The following CTNNA2 variants were observed in gnomAD, a reference collection of about 807,000 sequenced individuals.
CTNNA2 encodes catenin alpha 2, also known as catenin alpha-2.
A neutral mutation model predicts 101.0 loss-of-function variants in CTNNA2; 42 were observed. The ratio of observed to expected loss-of-function variants is 0.42; its 90% CI spans 0.32 to 0.54. CTNNA2 has a LOEUF of 0.54. Among genes scored for constraint, CTNNA2 ranks in the 20% least tolerant of loss-of-function variants. CTNNA2 has a pLI of 0.14. For synonymous variants in CTNNA2, 450 were observed against 456.4 expected (o/e 0.99, Z 0.18); for missense variants, 871 against 1,223.1 (o/e 0.71, Z 4.29).
At chr2:79,417,723 A>G (rs1001830031) in intron 4 of CTNNA2, among the ~76,000 whole-genome samples, 1 of 152,094 alleles carries the variant, frequency 6.6e-6, no homozygotes, top group Non-Finnish European at 1.5e-5. Context: ...AAATTATTTC[A>G]TAAGTGTGGA....
intron 7 of CTNNA2, among the ~76,000 whole-genome samples, chr2:80,345,040 G>A (rs1234703311): frequency 1.3e-5 from 2 of 151,970 alleles, no homozygotes; most frequent in Non-Finnish European, 2.9e-5. Context: ...CTTCCTAATG[G>A]CTCTCCCTAT....
At chr2:79,855,755 C>T (rs12478746) in intron 3 of CTNNA2, among the ~76,000 whole-genome samples, 39,406 of 152,058 alleles carry the variant, frequency 0.26, 5,428 homozygotes, top group Non-Finnish European at 0.31. Flanking sequence ...AGAATAAATC[C>T]CCCTTTCCCT....
At chr2:80,545,417 T>C (rs1691963759) in intron 10 of CTNNA2, among the ~76,000 whole-genome samples, 1 of 152,116 alleles carries the variant, frequency 6.6e-6, no homozygotes, top group Non-Finnish European at 1.5e-5. Context: ...GGTGGGGGCA[T>C]TCCTGTAGTC....
intron 3 of CTNNA2, among the ~76,000 whole-genome samples, chr2:79,854,054 T>C (rs1680940009): frequency 6.6e-6 from 1 of 152,242 alleles, no homozygotes; most frequent in Admixed American, 6.5e-5. Flanking sequence ...TGCACAATTA[T>C]GTATTCATCC....
chr2:79,420,089 C>T (rs975035903), intron 4 of CTNNA2, among the ~76,000 whole-genome samples: 6 of 152,172 alleles, frequency 3.9e-5, no homozygotes, highest in Non-Finnish European at 8.8e-5. Flanking sequence ...CCCTCCTCAG[C>T]TTCTGATTCC....
intron 9 of CTNNA2, among the ~76,000 whole-genome samples, chr2:80,478,281 A>G (rs910178908): frequency 5.9e-5 from 9 of 152,126 alleles, no homozygotes; most frequent in Non-Finnish European, 1.5e-5. Flanking sequence ...GTCCTTGTAG[A>G]TTCTGGATAC....
At chr2:80,183,753 G>T (rs1705939142) in intron 7 of CTNNA2, among the ~76,000 whole-genome samples, 1 of 152,122 alleles carries the variant, frequency 6.6e-6, no homozygotes, top group South Asian at 2.1e-4. Context: ...TAAATCACTT[G>T]ATATTTAGAA....
At chr2:79,751,693 G>T (rs1280076405) in intron 3 of CTNNA2, among the ~76,000 whole-genome samples, 1 of 151,442 alleles carries the variant, frequency 6.6e-6, no homozygotes, top group East Asian at 1.9e-4. Flanking sequence ...ATGAAAGGAA[G>T]GGAGAGAGGG....
Position 79,484,635 on chromosome 2 carries a change from A to G in CTNNA2, c.-134-20419A>G, listed in dbSNP as rs949758679. Among the ~76,000 whole-genome samples, 6 of 152,150 alleles carry G rather than the reference A, an allele frequency of 3.9e-5. No homozygotes were observed. In the South Asian group the frequency reaches 1.2e-3, roughly 32 times the overall value. The stretch of plus-strand genomic sequence containing the variant: ...GCGAGGTGCTTGAGATGAAAGATGG[A>G]CAGGCTTCTCCTCAGGCGTATTGCA... On this transcript the variant is annotated intron_variant, in intron 4 of 21. Coordinates refer to the CTNNA2 transcript ENST00000466387.
chr2:80,211,078 G>T (rs943209055), intron 7 of CTNNA2, among the ~76,000 whole-genome samples: 6 of 152,106 alleles, frequency 3.9e-5, no homozygotes, highest in Non-Finnish European at 5.9e-5. Context: ...ATTTTTTCTT[G>T]TAAATTTGTT....
chr2:80,252,913 A>T (rs907110979), intron 7 of CTNNA2, among the ~76,000 whole-genome samples: 4 of 152,132 alleles, frequency 2.6e-5, no homozygotes, highest in African/African-American at 7.2e-5. Flanking sequence ...AATTTCATTT[A>T]TCAGGTTCTT....
chr2:80,441,308 G>A (rs769521130), intron 9 of CTNNA2, among the ~76,000 whole-genome samples: 2 of 152,160 alleles, frequency 1.3e-5, no homozygotes, highest in Non-Finnish European at 2.9e-5. Flanking sequence ...TCCTTTTGCT[G>A]TTCAGACTGG....
Position 80,303,550 on chromosome 2 carries a change from C to G in CTNNA2, c.1057-89661C>G. 6.2e-7 allele frequency: 1 copy of G among 1,614,250 alleles called. No homozygotes were observed. The highest frequency in any genetic ancestry group is 8.5e-7 in the Non-Finnish European group (1 of 1,180,054). On this transcript the variant is annotated intron_variant, in intron 7 of 18. Transcript: ENST00000402739. The surrounding 1 kb of genome is among the most constrained non-coding windows in gnomAD (Gnocchi z 7.7). ...TGTGATCCAGATAGAGCCACGTGAGCTGCATTAACCCCGTGAACTGGCCGG... is the reference window on the plus strand; with the variant it reads ...TGTGATCCAGATAGAGCCACGTGAGGTGCATTAACCCCGTGAACTGGCCGG...
At chr2:80,320,702 A>G (rs1439696811) in intron 7 of CTNNA2, among the ~76,000 whole-genome samples, 4 of 152,224 alleles carry the variant, frequency 2.6e-5, no homozygotes, top group African/African-American at 7.2e-5. Context: ...TTTAAAGTAA[A>G]TCACAGATCT....
At chr2:79,780,261 C>T (rs1674322726) in intron 3 of CTNNA2, among the ~76,000 whole-genome samples, 1 of 152,166 alleles carries the variant, frequency 6.6e-6, no homozygotes, top group South Asian at 2.1e-4. Flanking sequence ...GGCCGGGCCA[C>T]CATGGCCACA....
chr2:79,301,810 C>G (rs537941011), intron 2 of CTNNA2, among the ~76,000 whole-genome samples: 5 of 151,954 alleles, frequency 3.3e-5, no homozygotes, highest in Non-Finnish European at 5.9e-5. Flanking sequence ...ACCTCTGGGC[C>G]GGGCACAGTG....
At position 80,646,896 on chromosome 2, in the gene CTNNA2, C is replaced by T. The variant is rs115202671; in HGVS notation, c.2575-689C>T. On this transcript the variant is annotated intron_variant, in intron 18 of 18. Transcript: ENST00000402739. ...GCTCTCTCATTCTAAAAGGGCATGACGATAATGCCTATATTATAGAGTTGT... is the reference window on the plus strand; with the variant it reads ...GCTCTCTCATTCTAAAAGGGCATGATGATAATGCCTATATTATAGAGTTGT... Among the ~76,000 whole-genome samples, 855 of 151,992 alleles carry T rather than the reference C, an allele frequency of 5.6e-3. 6 individuals are homozygous for T. Among genetic ancestry groups the T allele is most frequent in the African/African-American group, 0.018 (755 of 41,454 alleles).
intron 4 of CTNNA2, among the ~76,000 whole-genome samples, chr2:79,499,652 C>T (rs1455216257): frequency 1.3e-5 from 2 of 152,144 alleles, no homozygotes; most frequent in Non-Finnish European, 2.9e-5. Flanking sequence ...GCTCGTCTCT[C>T]ACTCACTCCA....
rs529011309 is a variant in CTNNA2 at position 79,534,631 on chromosome 2, C to T, written c.-6+21424C>T. Among the ~76,000 whole-genome samples, 10 of 152,046 alleles carry T rather than the reference C, an allele frequency of 6.6e-5. 1 individual carries two copies. The South Asian group carries it at 2.1e-3, about 32-fold the overall frequency. ...ATTTTTGCTACTCTTAACCCATGAT[C>T]ACCTAGATACAGATATATTTATTCT... On this transcript the variant is annotated intron_variant, in intron 1 of 18. Coordinates refer to ENST00000402739, the MANE Select transcript of CTNNA2 (RefSeq NM_001282597.3).
Sources: gnomAD v4.1 joint callset for allele counts (sites outside exome capture counted in the v4.1 genomes callset) on GRCh38, gnomAD v4.1.1 for gene constraint, Gnocchi (gnomAD v3.1) non-coding constraint, MANE v1.5 for transcripts, NCBI Gene and HGNC (gene_info 2026-07-23, HGNC 2026-07-21) for gene names.